Variants in ERC2 observed in about 807,000 individuals in gnomAD.
ERC2 encodes ERC protein 2.
In ERC2, 42 loss-of-function variants were observed where a neutral mutation model predicts 114.8. That is an observed-to-expected ratio of 0.37 (90% CI 0.29 to 0.47). The LOEUF is 0.47. Among genes scored for constraint, ERC2 ranks in the 20% least tolerant of loss-of-function variants. The pLI is 0.99. For missense variants in ERC2, 939 were observed against 1,150.7 expected (o/e 0.82, Z 2.66); for synonymous variants, 454 against 425.5 (o/e 1.07, Z -0.82).
At chr3:56,114,070 G>A (rs76820354) in intron 6 of ERC2, among the ~76,000 whole-genome samples, 1,627 of 152,286 alleles carry the variant, frequency 0.011, 33 homozygotes, top group African/African-American at 0.037. Flanking sequence ...GGCAAAACAG[G>A]AGTTCATGCC....
intron 14 of ERC2, among the ~76,000 whole-genome samples, chr3:55,778,859 G>A (rs993226399): frequency 4.6e-5 from 7 of 152,026 alleles, no homozygotes; most frequent in Admixed American, 4.6e-4. Flanking sequence ...AAACTTCTTG[G>A]AAAGTTTAAT....
chr3:55,765,840 T>C (rs573941028), intron 14 of ERC2, among the ~76,000 whole-genome samples: 1 of 152,334 alleles, frequency 6.6e-6, no homozygotes, highest in Non-Finnish European at 1.5e-5. Flanking sequence ...TGCATTTTGC[T>C]GAATAAAATG....
intron 2 of ERC2, among the ~76,000 whole-genome samples, chr3:56,413,493 T>C (rs1355149367): frequency 1.3e-5 from 2 of 152,128 alleles, no homozygotes; most frequent in East Asian, 3.9e-4. Context: ...AAAAAATCCC[T>C]GCATGGAAGG....
intron 8 of ERC2, among the ~76,000 whole-genome samples, chr3:56,013,656 T>C (rs943202152): frequency 1.3e-5 from 2 of 152,194 alleles, no homozygotes; most frequent in East Asian, 3.8e-4. Context: ...TACATGTCGA[T>C]ATTTTTATTT....
chr3:56,153,932 A>G (rs949291053), intron 4 of ERC2, among the ~76,000 whole-genome samples: 2 of 152,210 alleles, frequency 1.3e-5, no homozygotes, highest in African/African-American at 4.8e-5. Context: ...ATTGATCAAC[A>G]AACTTAGGGC....
intron 17 of ERC2, among the ~76,000 whole-genome samples, chr3:55,676,470 T>TATTATC (rs2061819893): frequency 6.7e-6 from 1 of 149,878 alleles, no homozygotes; most frequent in African/African-American, 2.4e-5. Flanking sequence ...TTATTATTAT[T>TATTATC]ATTATTATTT....
chr3:56,051,811 T>G (rs564673783), intron 7 of ERC2, among the ~76,000 whole-genome samples: 39 of 124,824 alleles, frequency 3.1e-4, no homozygotes, highest in Non-Finnish European at 5.7e-4. Flanking sequence ...GGCGACAGAG[T>G]GAGACTCCAT....
intron 3 of ERC2, among the ~76,000 whole-genome samples, chr3:56,295,242 T>C (rs1000883124): frequency 6.6e-6 from 1 of 152,228 alleles, no homozygotes. Context: ...CACGTCTCCC[T>C]ACAGCAGTTT....
chr3:55,512,087 A>G (rs2107129583), intron 17 of ERC2, among the ~76,000 whole-genome samples: 1 of 152,022 alleles, frequency 6.6e-6, no homozygotes, highest in Non-Finnish European at 1.5e-5. Context: ...ACACACACAC[A>G]CTCGTGTACA....
At chr3:56,056,330 A>G (rs959400797) in intron 7 of ERC2, among the ~76,000 whole-genome samples, 1 of 152,206 alleles carries the variant, frequency 6.6e-6, no homozygotes, top group African/African-American at 2.4e-5. Flanking sequence ...AGTTTCCTCA[A>G]TGTCATGAGG....
chr3:55,983,222 G>A (rs184284998), intron 12 of ERC2, among the ~76,000 whole-genome samples: 25 of 152,310 alleles, frequency 1.6e-4, no homozygotes, highest in African/African-American at 6.0e-4. Context: ...GTTTTACTTG[G>A]TTGATTCTCT....
At chr3:56,110,781 A>C (rs1034321753) in intron 6 of ERC2, among the ~76,000 whole-genome samples, 1 of 152,214 alleles carries the variant, frequency 6.6e-6, no homozygotes, top group Non-Finnish European at 1.5e-5. Context: ...TGATACATCA[A>C]TACTGGCTTA....
At chr3:56,214,725 G>A (rs1359284160) in intron 3 of ERC2, among the ~76,000 whole-genome samples, 9 of 152,084 alleles carry the variant, frequency 5.9e-5, no homozygotes, top group Non-Finnish European at 1.0e-4. Context: ...AGGAAAAAAT[G>A]TTAAGGGCAG....
chr3:55,734,527 G>A (rs1208327465), intron 15 of ERC2, among the ~76,000 whole-genome samples: 1 of 152,130 alleles, frequency 6.6e-6, no homozygotes, highest in Non-Finnish European at 1.5e-5. Flanking sequence ...GGGAGATGAC[G>A]CTGACACAAA....
chr3:55,984,342 A>G (rs530039264), intron 12 of ERC2, among the ~76,000 whole-genome samples: 5 of 152,232 alleles, frequency 3.3e-5, no homozygotes, highest in Admixed American at 3.3e-4. Flanking sequence ...AGCATAAAAA[A>G]CCACAGTAGT....
chr3:56,434,910 C>T lies in ERC2; in HGVS notation c.98G>A (p.Ser33Asn). ...GCCTGTTCCTCCACCTCCCCCACTACTTGTTCTTCGGTGGCCCAAACGAGG... is the reference window on the plus strand; with the variant it reads ...GCCTGTTCCTCCACCTCCCCCACTATTTGTTCTTCGGTGGCCCAAACGAGG... ...RSPRLGHRRT[S>N]SGGGGGTGKT... Residue 33 changes from serine (S) to asparagine (N), a missense_variant, in exon 2 of 18, where the codon AGT becomes AAT. Coordinates refer to ENST00000288221, the MANE Select transcript of ERC2 (RefSeq NM_015576.3). 1 of 1,613,924 alleles carries T rather than the reference C, an allele frequency of 6.2e-7. No homozygotes were observed. The highest frequency in any genetic ancestry group is 8.5e-7 in the Non-Finnish European group (1 of 1,179,888).
At chr3:55,763,798 G>A (rs546261990) in intron 14 of ERC2, among the ~76,000 whole-genome samples, 36 of 152,248 alleles carry the variant, frequency 2.4e-4, no homozygotes, top group Admixed American at 6.5e-4. Context: ...TATTTTTAAA[G>A]TTGGACATCA....
chr3:56,194,793 T>C (rs147001370), intron 3 of ERC2, among the ~76,000 whole-genome samples: 234 of 152,326 alleles, frequency 1.5e-3, no homozygotes, highest in African/African-American at 5.1e-3. Context: ...AACATCATTA[T>C]GCAGTGCATG....
chr3:55,665,678 G>A (rs1037230199), intron 17 of ERC2, among the ~76,000 whole-genome samples: 1 of 152,156 alleles, frequency 6.6e-6, no homozygotes, highest in African/African-American at 2.4e-5. Context: ...AAGTGCGCCT[G>A]CCTACACCTT....
Sources: allele counts gnomAD v4.1 joint callset (sites outside exome capture counted in the v4.1 genomes callset), GRCh38; gene constraint gnomAD v4.1.1; transcripts MANE v1.5; gene names NCBI Gene and HGNC (gene_info 2026-07-23, HGNC 2026-07-21).